Variants in CDC37 observed in about 807,000 individuals in gnomAD.
CDC37 encodes the protein cell division cycle 37, HSP90 cochaperone, also known as hsp90 co-chaperone Cdc37.
In CDC37, 9 loss-of-function variants were observed where a neutral mutation model predicts 46.9. The ratio of observed to expected loss-of-function variants is 0.19; its 90% CI spans 0.12 to 0.33. The LOEUF (loss-of-function observed/expected upper bound fraction) is 0.33. Among genes scored for constraint, CDC37 ranks in the 10% least tolerant of loss-of-function variants. The probability of loss-of-function intolerance (pLI) is 1.00; values close to 1 mark genes in which losing one functional copy is unlikely to be tolerated. For synonymous variants in CDC37, 193 were observed against 191.0 expected (o/e 1.01, Z -0.09); for missense variants, 388 against 514.6 (o/e 0.75, Z 2.38).
Position 10,393,773 on chromosome 19 carries a change from T to G in CDC37, c.727-332A>C. ...CCTAATCTCGGTAAGGATAGCCCTG[T>G]TCCTCCAGGTACGCAGGTTAAAAAT... On this transcript the variant is annotated intron_variant, in intron 5 of 7. Transcript: ENST00000222005. This position sits in a 1 kb window ranked among gnomAD's most constrained non-coding sequence, Gnocchi z 4.9. The G allele has an allele frequency of 1.1e-5, 3 of 262,968 alleles. No homozygotes were observed. The highest frequency in any genetic ancestry group is 2.2e-5 in the Non-Finnish European group (3 of 138,616). 16.3% of individuals were successfully genotyped at this position (262,968 alleles called of 1,614,324 possible).
chr19:10,402,288 G>A lies in CDC37; in HGVS notation c.102+1090C>T, dbSNP rs1028471395. ...CCCATTGGCTCGTGAGCACTGAGAG[G>A]GTGGTGGGACATGGATCACCCAGGC... On this transcript the variant is annotated intron_variant, in intron 1 of 7. Transcript: ENST00000222005. 1.3e-4 allele frequency among the ~76,000 whole-genome samples: 20 copies of A among 152,198 alleles called. 1 individual carries two copies. Among genetic ancestry groups the A allele is most frequent in the Middle Eastern group, 6.8e-3 (2 of 294 alleles).
rs1423083606 is a variant in CDC37 at position 10,395,563 on chromosome 19, G to GGAGT, written c.379-24_379-21dup. The GGAGT allele has an allele frequency of 1.9e-6, 3 of 1,579,774 alleles. No homozygotes were observed. Among genetic ancestry groups the GGAGT allele is most frequent in the Middle Eastern group, 1.7e-4 (1 of 6,026 alleles). On this transcript the variant is annotated intron_variant, in intron 2 of 7. Coordinates refer to ENST00000222005, the MANE Select transcript of CDC37 (RefSeq NM_007065.4). ...CATGCTCTGTGGTAGGGTGAGAGGG[G>GGAGT]GAGTGGGCTGGGGCAAGGCTGCGGA...
rs752189429 is a variant in CDC37 at position 10,396,251 on chromosome 19, AC to A, written c.103-49del. 5 of 1,571,610 alleles carry A rather than the reference AC, an allele frequency of 3.2e-6. No homozygotes were observed. The highest frequency in any genetic ancestry group is 4.3e-6 in the Non-Finnish European group (5 of 1,156,326). On this transcript the variant is annotated intron_variant, in intron 1 of 7. Transcript: ENST00000222005. The surrounding 1 kb of genome is among the most constrained non-coding windows in gnomAD (Gnocchi z 5.9). ...AACTCTGGGGAGTCGTCTGTCCCTTACCCCCGCCCCATACCCAATCCCTGCA... is the reference window on the plus strand; with the variant it reads ...AACTCTGGGGAGTCGTCTGTCCCTTACCCCGCCCCATACCCAATCCCTGCA...
At chr19:10,397,054 G>A (rs545247952) in intron 1 of CDC37, among the ~76,000 whole-genome samples, 1 of 152,246 alleles carries the variant, frequency 6.6e-6, no homozygotes, top group African/African-American at 2.4e-5. Flanking sequence ...CGCTGCCCCT[G>A]TCTGGAATTC....
chr19:10,403,290 G>T, intron 1 of CDC37, 88 bp downstream of exon 1: 2 of 986,318 alleles, frequency 2.0e-6, no homozygotes, highest in South Asian at 1.4e-5. Context: ...TCCTAGGTGT[G>T]AACAGCGGGG....
chr19:10,394,450 C>T (rs1462020087), intron 5 of CDC37, among the ~76,000 whole-genome samples: 1 of 152,176 alleles, frequency 6.6e-6, no homozygotes, highest in African/African-American at 2.4e-5. Flanking sequence ...AGTGATCCTC[C>T]TGCCTCAGCC....
In CDC37 at chr19:10,403,511, G is replaced by A. The variant is rs777302366; in HGVS notation, c.-32C>T. 11 of 1,546,308 alleles carry A rather than the reference G, an allele frequency of 7.1e-6. No individual in the cohort carries two copies. The highest frequency in any genetic ancestry group is 8.9e-6 in the Non-Finnish European group (10 of 1,123,126). The stretch of plus-strand genomic sequence containing the variant: ...TTGGCGGCCCAGCCCGCTCCGGCTC[G>A]GGTGGCGGCGACGGCGGCAGCAGTG... On this transcript the variant is annotated 5_prime_UTR_variant, in exon 1 of 8. Coordinates refer to ENST00000222005, the MANE Select transcript of CDC37 (RefSeq NM_007065.4).
chr19:10,395,616 T>C (rs2042484724), intron 2 of CDC37, 73 bp from the exon 3 acceptor site: 3 of 1,186,424 alleles, frequency 2.5e-6, no homozygotes, highest in East Asian at 2.3e-5. Context: ...GGGCGGGCCG[T>C]GGTCGCAGCG....
Position 10,395,435 on chromosome 19 carries a change from C to T in CDC37, c.487G>A (p.Gly163Ser). 6.2e-7 allele frequency: 1 copy of T among 1,613,474 alleles called. No homozygotes were observed. Among genetic ancestry groups the T allele is most frequent in the Non-Finnish European group, 8.5e-7 (1 of 1,179,320 alleles). Residue 163 changes from glycine (G) to serine (S), a missense_variant and splice_region_variant, in exon 3 of 8, where the codon GGC becomes AGC. Gly to Ser is a moderately conservative substitution (Grantham distance 56). Around this residue, in one of 2 missense-constraint regions of CDC37, gnomAD observed 374 missense variants for 467.4 expected, o/e 0.80. Coordinates refer to ENST00000222005, the MANE Select transcript of CDC37 (RefSeq NM_007065.4). Reference protein sequence around the residue: ...EKYEKQIKHFGMLRRWDDSQK... With the variant: ...EKYEKQIKHFSMLRRWDDSQK... ...CCCATAACCCACAAGCCCCACTCACCAAAGTGCTTGATCTGTTTCTCGTAT... is the reference window on the plus strand; with the variant it reads ...CCCATAACCCACAAGCCCCACTCACTAAAGTGCTTGATCTGTTTCTCGTAT...
Position 10,403,524 on chromosome 19 carries a change from G to T in CDC37, c.-45C>A, listed in dbSNP as rs550418881. On this transcript the variant is annotated 5_prime_UTR_variant, in exon 1 of 8. Transcript: ENST00000222005. Reference sequence around the variant, plus strand: ...CCGCTCCGGCTCGGGTGGCGGCGACGGCGGCAGCAGTGGAGACTAGGAGCG... The same window carrying T: ...CCGCTCCGGCTCGGGTGGCGGCGACTGCGGCAGCAGTGGAGACTAGGAGCG... 2.9e-5 allele frequency: 43 copies of T among 1,462,904 alleles called. 1 individual carries two copies. The highest frequency in any genetic ancestry group is 1.0e-4 in the South Asian group (9 of 87,114). 90.6% of individuals were successfully genotyped at this position (1,462,904 alleles called of 1,614,324 possible).
rs764498981 is a variant in CDC37 at position 10,395,239 on chromosome 19, C to G, written c.592G>C (p.Glu198Gln). The change falls in exon 4 of 8, where the codon GAG (glutamate) becomes CAG (glutamine). Residue 198 changes from glutamate to glutamine, a missense_variant. Glu to Gln is a conservative substitution (Grantham distance 29). Coordinates refer to ENST00000222005, the MANE Select transcript of CDC37 (RefSeq NM_007065.4). ...AAAGCTCCACTCACCTCCTCCACCT[C>G]TAGGTCAATGCACCAAATGACCAGG... Reference protein sequence around the residue: ...NYLVIWCIDLEVEEKCALMEQ... With the variant: ...NYLVIWCIDLQVEEKCALMEQ... 6.2e-7 allele frequency: 1 copy of G among 1,614,146 alleles called. No homozygotes were observed. Among genetic ancestry groups the G allele is most frequent in the Non-Finnish European group, 8.5e-7 (1 of 1,180,010 alleles).
At position 10,398,498 on chromosome 19, in the gene CDC37, G is replaced by A. The variant is rs2042502960; in HGVS notation, c.103-2295C>T. Among the ~76,000 whole-genome samples, 1 of 152,218 alleles carries A rather than the reference G, an allele frequency of 6.6e-6. No homozygotes were observed. Among genetic ancestry groups the A allele is most frequent in the African/African-American group, 2.4e-5 (1 of 41,458 alleles). The stretch of plus-strand genomic sequence containing the variant: ...CCCACAGCCACCATGTACCGGCTGG[G>A]TATCCCGGGCCATCCCCTAACCTCC... On this transcript the variant is annotated intron_variant, in intron 1 of 7. Transcript: ENST00000222005. This position sits in a 1 kb window ranked among gnomAD's most constrained non-coding sequence, Gnocchi z 4.2.
At chr19:10,402,363 G>A (rs1282447315) in intron 1 of CDC37, among the ~76,000 whole-genome samples, 1 of 151,952 alleles carries the variant, frequency 6.6e-6, no homozygotes, top group African/African-American at 2.4e-5. Flanking sequence ...TCAGATAGAA[G>A]AAGGGGTGGT....
chr19:10,391,829 G>T, intron 7 of CDC37, 123 bp from the exon 8 acceptor site: 1 of 968,904 alleles, frequency 1.0e-6, no homozygotes, highest in Non-Finnish European at 1.5e-6. Context: ...ATTTGAGACG[G>T]AGTCTCACTC....
In CDC37 at chr19:10,393,063, C is replaced by G; in HGVS notation, c.981+23G>C. 8 of 1,608,194 alleles carry G rather than the reference C, an allele frequency of 5.0e-6. No individual in the cohort carries two copies. Among genetic ancestry groups the G allele is most frequent in the Non-Finnish European group, 6.8e-6 (8 of 1,174,706 alleles). Reference sequence around the variant, plus strand: ...GGAGACACACGGCCCGCCGGGAAGGCATGGGGCGCGGGGGTTACTCACGGT... The same window carrying G: ...GGAGACACACGGCCCGCCGGGAAGGGATGGGGCGCGGGGGTTACTCACGGT... On this transcript the variant is annotated intron_variant, in intron 7 of 7. Coordinates refer to ENST00000222005, the MANE Select transcript of CDC37 (RefSeq NM_007065.4). The surrounding 1 kb of genome is among the most constrained non-coding windows in gnomAD (Gnocchi z 4.9).
rs775293042 is a variant in CDC37, at chr19:10,393,418, C to T, written c.750G>A (p.Glu250=). The T allele has an allele frequency of 6.2e-7, 1 of 1,613,328 alleles. No individual in the cohort carries two copies. Residue 250 remains glutamate, a synonymous_variant, in exon 6 of 8, where the codon GAG becomes GAA. Coordinates refer to ENST00000222005, the MANE Select transcript of CDC37 (RefSeq NM_007065.4). The surrounding 1 kb of genome is among the most constrained non-coding windows in gnomAD (Gnocchi z 4.9). ...AGGCTTCCAGCTCGTCGTTGAAGCC[C>T]TCCATGTACTGGCGATCGGCTGTCT... ...KIKTADRQYM[E]GFNDELEAFK... is the part of the protein sequence containing the mutation.
chr19:10,397,987 C>T (rs879342602), intron 1 of CDC37, among the ~76,000 whole-genome samples: 7 of 152,282 alleles, frequency 4.6e-5, no homozygotes, highest in East Asian at 1.9e-4. Flanking sequence ...GAGACCCCTG[C>T]GTGGCTCCAC....
chr19:10,395,904 G>GCCCCCCCCCCCCCCCCCCCCCCC, intron 2 of CDC37, 24 bp downstream of exon 2: 1 of 1,541,894 alleles, frequency 6.5e-7, no homozygotes, highest in South Asian at 1.1e-5. Context: ...CATGCGCACT[G>GCCCCCCCCCCCCCCCCCCCCCCC]CCCGCCCCGC....
At position 10,403,517 on chromosome 19, in the gene CDC37, C is replaced by T; in HGVS notation, c.-38G>A. 9 of 1,499,420 alleles carry T rather than the reference C, an allele frequency of 6.0e-6. 1 individual carries two copies. In the South Asian group the frequency reaches 9.1e-5, roughly 15 times the overall value. 92.9% of individuals were successfully genotyped at this position (1,499,420 alleles called of 1,614,324 possible). ...GCCCAGCCCGCTCCGGCTCGGGTGGCGGCGACGGCGGCAGCAGTGGAGACT... is the reference window on the plus strand; with the variant it reads ...GCCCAGCCCGCTCCGGCTCGGGTGGTGGCGACGGCGGCAGCAGTGGAGACT... On this transcript the variant is annotated 5_prime_UTR_variant, in exon 1 of 8. Transcript: ENST00000222005.
Sources: allele counts gnomAD v4.1 joint callset (sites outside exome capture counted in the v4.1 genomes callset), GRCh38; gene constraint gnomAD v4.1.1; regional missense constraint gnomAD v4.1.1; non-coding constraint Gnocchi (gnomAD v3.1); transcripts MANE v1.5; gene names NCBI Gene and HGNC (gene_info 2026-07-23, HGNC 2026-07-21).